ZFHX3: variants seen among roughly 807,000 people sequenced by gnomAD.
ZFHX3 encodes the protein zinc finger homeobox protein 3.
Under a neutral mutation model 279.1 loss-of-function variants are expected in ZFHX3, and 42 were observed. The observed-to-expected ratio is 0.15, with a 90% CI of 0.12 to 0.19. The LOEUF (loss-of-function observed/expected upper bound fraction) is 0.19, where lower values mean the gene tolerates loss of function less well. Among genes scored for constraint, ZFHX3 ranks in the 10% least tolerant of loss-of-function variants. The pLI is 1.00. For synonymous variants in ZFHX3, 2,293 were observed against 1,957.8 expected, an observed-to-expected ratio of 1.17 and a Z score of -4.52; for missense variants, 4,981 against 4,754.0, an observed-to-expected ratio of 1.05 and a Z score of -1.40.
chr16:73,039,398 G>A (rs1056466993), intron 1 of ZFHX3, among the ~76,000 whole-genome samples: 2 of 152,174 alleles, frequency 1.3e-5, no homozygotes, highest in Non-Finnish European at 2.9e-5. Context: ...GGGAGTGGCC[G>A]GGAACCTGCC....
chr16:72,905,691 T>C (rs1341704282), intron 3 of ZFHX3, among the ~76,000 whole-genome samples: 3 of 152,188 alleles, frequency 2.0e-5, no homozygotes, highest in African/African-American at 7.2e-5. Flanking sequence ...ATTTTAGTTC[T>C]AAACATAAAA....
Position 72,787,384 on chromosome 16 carries a change from G to A in ZFHX3, c.10892C>T (p.Ser3631Phe). 2 of 1,606,414 alleles carry A rather than the reference G, an allele frequency of 1.2e-6. No individual in the cohort carries two copies. The highest frequency in any genetic ancestry group is 1.7e-6 in the Non-Finnish European group (2 of 1,174,500). Residue 3631 changes from serine (S) to phenylalanine (F), a missense_variant, in exon 10 of 10, where the codon TCT becomes TTT. Transcript: ENST00000268489. ...VSRASAAKPP[S>F]FPPLSSSSTV... The stretch of plus-strand genomic sequence containing the variant: ...TGAAGATGAGGAGAGAGGAGGAAAA[G>A]AAGGGGGCTTCGCTGCCGAAGCCCG...
chr16:72,828,951 A>T (rs1484892732), intron 5 of ZFHX3, among the ~76,000 whole-genome samples: 1 of 151,346 alleles, frequency 6.6e-6, no homozygotes, highest in African/African-American at 2.4e-5. Context: ...TCAGCCTCCC[A>T]AAGTGCTGGG....
intron 1 of ZFHX3, among the ~76,000 whole-genome samples, chr16:73,857,723 G>C (rs1290796068): frequency 6.6e-6 from 1 of 152,206 alleles, no homozygotes; most frequent in East Asian, 1.9e-4. Flanking sequence ...CAGAGAGCCA[G>C]AGAAGATTCC....
rs1401395346 is a variant in ZFHX3, at chr16:73,164,117, G to A, written c.-1103-20286C>T. 1.3e-5 allele frequency among the ~76,000 whole-genome samples: 2 copies of A among 152,284 alleles called. 1 individual carries two copies. The highest frequency in any genetic ancestry group is 4.8e-5 in the African/African-American group (2 of 41,564). ...GGAGAACTTGGCAATTTGTGACTATGTGCAGCAGATGAAACAATAAGAAAT... is the reference window on the plus strand; with the variant it reads ...GGAGAACTTGGCAATTTGTGACTATATGCAGCAGATGAAACAATAAGAAAT... On this transcript the variant is annotated intron_variant, in intron 5 of 17. Coordinates refer to the ZFHX3 transcript ENST00000641206.
intron 2 of ZFHX3, among the ~76,000 whole-genome samples, chr16:73,567,578 C>T (rs960976538): frequency 1.3e-5 from 2 of 152,206 alleles, no homozygotes; most frequent in Non-Finnish European, 1.5e-5. Flanking sequence ...CAATGTCCAG[C>T]GTCTTCTCTT....
chr16:73,536,573 G>T (rs1044449881), intron 2 of ZFHX3, among the ~76,000 whole-genome samples: 1 of 152,300 alleles, frequency 6.6e-6, no homozygotes, highest in Non-Finnish European at 1.5e-5. Context: ...TAAAATCATG[G>T]ATTTAATATG....
chr16:72,920,665 C>G (rs897554095), intron 3 of ZFHX3, among the ~76,000 whole-genome samples: 2 of 139,802 alleles, frequency 1.4e-5, no homozygotes, highest in Admixed American at 1.4e-4. Flanking sequence ...AGTGAAAGTT[C>G]GTCTCAAAAA....
chr16:73,212,272 C>G (rs1270149538), intron 5 of ZFHX3, among the ~76,000 whole-genome samples: 2 of 151,934 alleles, frequency 1.3e-5, no homozygotes, highest in Non-Finnish European at 2.9e-5. Flanking sequence ...ATCTATACAC[C>G]CTTTTTTAAA....
intron 2 of ZFHX3, among the ~76,000 whole-genome samples, chr16:73,634,461 T>TATATAA (rs1567538532): frequency 1.4e-5 from 2 of 140,980 alleles, no homozygotes; most frequent in African/African-American, 5.5e-5. Context: ...TATATATATA[T>TATATAA]AAAATATATA....
intron 3 of ZFHX3, among the ~76,000 whole-genome samples, chr16:72,897,200 G>A (rs763302783): frequency 1.4e-4 from 21 of 152,208 alleles, no homozygotes; most frequent in Non-Finnish European, 2.5e-4. Flanking sequence ...GCCCGTTACA[G>A]CACCCCTGTC....
intron 5 of ZFHX3, among the ~76,000 whole-genome samples, chr16:73,248,616 G>C (rs2013380012): frequency 6.6e-6 from 1 of 151,194 alleles, no homozygotes; most frequent in South Asian, 2.1e-4. Flanking sequence ...ATGTGTCTGT[G>C]TGTCTACGTG....
intron 1 of ZFHX3, among the ~76,000 whole-genome samples, chr16:72,979,409 T>A (rs1962492226): frequency 6.6e-6 from 1 of 152,132 alleles, no homozygotes; most frequent in Non-Finnish European, 1.5e-5. Context: ...GCCAGGTGGC[T>A]CTCCAGACCT....
At chr16:72,865,891 A>C (rs1164356046) in intron 4 of ZFHX3, among the ~76,000 whole-genome samples, 1 of 152,168 alleles carries the variant, frequency 6.6e-6, no homozygotes, top group East Asian at 1.9e-4. Flanking sequence ...CCCTTGCCCT[A>C]CACAATGGAG....
At chr16:73,631,779 C>A (rs1457614624) in intron 2 of ZFHX3, among the ~76,000 whole-genome samples, 1 of 152,122 alleles carries the variant, frequency 6.6e-6, no homozygotes, top group South Asian at 2.1e-4. Context: ...TGGTGGTGCA[C>A]GCCTGTAGTC....
intron 7 of ZFHX3, among the ~76,000 whole-genome samples, chr16:72,805,653 T>G (rs1324190201): frequency 6.6e-6 from 1 of 152,220 alleles, no homozygotes; most frequent in Non-Finnish European, 1.5e-5. Context: ...TAAAGCCAGC[T>G]GTTCCAGCGA....
At chr16:73,542,691 C>G (rs1259156146) in intron 2 of ZFHX3, among the ~76,000 whole-genome samples, 1 of 151,972 alleles carries the variant, frequency 6.6e-6, no homozygotes, top group East Asian at 1.9e-4. Flanking sequence ...AAAAGATGCC[C>G]AGTTAAATGT....
At chr16:73,035,668 T>C (rs1471954567) in intron 1 of ZFHX3, among the ~76,000 whole-genome samples, 1 of 152,310 alleles carries the variant, frequency 6.6e-6, no homozygotes, top group African/African-American at 2.4e-5. Flanking sequence ...GGTGGATCAC[T>C]TGAGCTCAGG....
chr16:73,578,322 A>G (rs1248621029), intron 2 of ZFHX3, among the ~76,000 whole-genome samples: 3 of 151,868 alleles, frequency 2.0e-5, no homozygotes, highest in Non-Finnish European at 4.4e-5. Flanking sequence ...TTAGCATTAG[A>G]GATGTCTTTA....
Sources: gnomAD v4.1 joint callset for allele counts (sites outside exome capture counted in the v4.1 genomes callset) on GRCh38, gnomAD v4.1.1 for gene constraint, MANE v1.5 for transcripts, NCBI Gene and HGNC (gene_info 2026-07-23, HGNC 2026-07-21) for gene names.